COL1A1: variants seen among roughly 807,000 people sequenced by gnomAD.
COL1A1 encodes the protein collagen type I alpha 1 chain, also known as collagen alpha-1(I) chain.
Under a neutral mutation model 195.7 loss-of-function variants are expected in COL1A1, and 21 were observed. The ratio of observed to expected loss-of-function variants is 0.11; its 90% CI spans 0.08 to 0.15. The LOEUF is 0.15. COL1A1 is among the 10% of genes least tolerant of loss of function. The pLI is 1.00. For missense variants in COL1A1, 1,365 were observed against 2,051.0 expected, an observed-to-expected ratio of 0.67 and a Z score of 6.46; for synonymous variants, 749 against 747.3, an observed-to-expected ratio of 1.00 and a Z score of -0.04.
At position 50,195,847 on chromosome 17, in the gene COL1A1, T is replaced by C; in HGVS notation, c.1056+76A>G. 1 of 1,527,916 alleles carries C rather than the reference T, an allele frequency of 6.5e-7. No individual in the cohort carries two copies. Among genetic ancestry groups the C allele is most frequent in the Non-Finnish European group, 8.9e-7 (1 of 1,125,024 alleles). The allele number at this position is 1,527,916 out of a possible 1,614,324, so 94.6% of individuals were successfully genotyped here. A position where few individuals can be genotyped will look rare whatever the true frequency, so the allele number is the denominator to read the frequency against. On this transcript the variant is annotated intron_variant, in intron 16 of 50. Coordinates refer to ENST00000225964, the MANE Select transcript of COL1A1 (RefSeq NM_000088.4). The surrounding 1 kb of genome is among the most constrained non-coding windows in gnomAD (Gnocchi z 4.3). Reference sequence around the variant, plus strand: ...CTGCTCTCTTGCCACTCTGGGTCCCTTTGGTTTGGGGAACAGGGAGACATG... The same window carrying C: ...CTGCTCTCTTGCCACTCTGGGTCCCCTTGGTTTGGGGAACAGGGAGACATG...
Position 50,185,823 on chromosome 17 carries a change from C to T in COL1A1, c.4203G>A (p.Glu1401=), listed in dbSNP as rs1598284051. ...QGSNEIEIRA[E]GNSRFTYSVT... is the part of the protein sequence containing the mutation. ...CGCTGTAGGTGAAGCGGCTGTTGCCCTCGGCGCGGATCTCGATCTCGTTGG... is the reference window on the plus strand; with the variant it reads ...CGCTGTAGGTGAAGCGGCTGTTGCCTTCGGCGCGGATCTCGATCTCGTTGG... Residue 1401 remains glutamate, a synonymous_variant, in exon 50 of 51, where the codon GAG becomes GAA. Coordinates refer to ENST00000225964, the MANE Select transcript of COL1A1 (RefSeq NM_000088.4). 1 of 1,614,084 alleles carries T rather than the reference C, an allele frequency of 6.2e-7. No individual in the cohort carries two copies. Among genetic ancestry groups the T allele is most frequent in the Non-Finnish European group, 8.5e-7 (1 of 1,180,036 alleles).
rs1262974236 is a variant in COL1A1, at chr17:50,189,548, G to T, written c.2668-10C>A. 6.2e-7 allele frequency: 1 copy of T among 1,612,580 alleles called. No individual in the cohort carries two copies. The highest frequency in any genetic ancestry group is 8.5e-7 in the Non-Finnish European group (1 of 1,179,608). ...GGGGTCCAGCATTTCCCTGGATGAG[G>T]ATAGGAGGGGCTGTCAGACTCCAGG... On this transcript the variant is annotated splice_polypyrimidine_tract_variant and intron_variant, in intron 38 of 50. Coordinates refer to ENST00000225964, the MANE Select transcript of COL1A1 (RefSeq NM_000088.4). The surrounding 1 kb of genome is among the most constrained non-coding windows in gnomAD (Gnocchi z 5.5).
Position 50,189,920 on chromosome 17 carries a change from A to G in COL1A1, c.2560-8T>C. 1 of 1,611,844 alleles carries G rather than the reference A, an allele frequency of 6.2e-7. No homozygotes were observed. The highest frequency in any genetic ancestry group is 1.1e-5 in the South Asian group (1 of 90,990). Reference sequence around the variant, plus strand: ...AGGAGCACCAACATTACCCTGTAGGAGAGCACAGAGGCATCAAGCCTGGAC... The same window carrying G: ...AGGAGCACCAACATTACCCTGTAGGGGAGCACAGAGGCATCAAGCCTGGAC... On this transcript the variant is annotated splice_polypyrimidine_tract_variant and splice_region_variant and intron_variant, in intron 36 of 50. Coordinates refer to ENST00000225964, the MANE Select transcript of COL1A1 (RefSeq NM_000088.4). The surrounding 1 kb of genome is among the most constrained non-coding windows in gnomAD (Gnocchi z 5.5).
rs1465304328 is a variant in COL1A1, at chr17:50,195,727, A to G, written c.1057-62T>C. The G allele has an allele frequency of 3.4e-5, 52 of 1,529,198 alleles. No individual in the cohort carries two copies. The highest frequency in any genetic ancestry group is 1.1e-4 in the South Asian group (10 of 87,812). The allele number at this position is 1,529,198 out of a possible 1,614,324, so 94.7% of individuals were successfully genotyped here. On this transcript the variant is annotated intron_variant, in intron 16 of 50. Transcript: ENST00000225964. The surrounding 1 kb of genome is among the most constrained non-coding windows in gnomAD (Gnocchi z 4.3). ...GGGAAACCCAACCTTGCCTCTCGGG[A>G]TGGCAGGAGGAAGGGGAGACAGGGA...
In COL1A1 at chr17:50,201,478, G is replaced by A. The variant is rs748155900; in HGVS notation, c.36C>T (p.Leu12=). 74 of 1,612,708 alleles carry A rather than the reference G, an allele frequency of 4.6e-5. No individual in the cohort carries two copies. Among genetic ancestry groups the A allele is most frequent in the South Asian group, 2.3e-4 (21 of 91,014 alleles). ...GCGTCAGGAGGGCGGTGGCCGCTAA[G>A]AGGAGCAGGAGCCGGAGGTCCACAA... ...FSFVDLRLLL[L]LAATALLTHG... The change falls in exon 1 of 51, where the codon CTC becomes CTT. Residue 12 remains leucine (L), a synonymous_variant. Transcript: ENST00000225964.
At position 50,186,840 on chromosome 17, in the gene COL1A1, G is replaced by A. The variant is rs1423644756; in HGVS notation, c.3614C>T (p.Pro1205Leu). Residue 1205 changes from proline (P) to leucine (L), a missense_variant, in exon 48 of 51, where the codon CCT (proline) becomes CTT (leucine). Physicochemically the swap from Pro to Leu is moderately conservative, Grantham distance 98. Around this residue, in one of 5 missense-constraint regions of COL1A1, gnomAD observed 671 missense variants for 1,099.9 expected, o/e 0.61. Coordinates refer to ENST00000225964, the MANE Select transcript of COL1A1 (RefSeq NM_000088.4). This position sits in a 1 kb window ranked among gnomAD's most constrained non-coding sequence, Gnocchi z 5.3. ...GFDFSFLPQP[P>L]QEKAHDGGRY... Reference sequence around the variant, plus strand: ...GCCACCATCGTGAGCCTTCTCTTGAGGTGGCTGGGGCAGGAAGCTGAAGTC... The same window carrying A: ...GCCACCATCGTGAGCCTTCTCTTGAAGTGGCTGGGGCAGGAAGCTGAAGTC... 3 of 1,614,054 alleles carry A rather than the reference G, an allele frequency of 1.9e-6. No individual in the cohort carries two copies. The highest frequency in any genetic ancestry group is 2.5e-6 in the Non-Finnish European group (3 of 1,180,058).
intron 2 of COL1A1, 72 bp from the exon 3 acceptor site, chr17:50,199,662 A>G (rs1907899590): frequency 6.8e-6 from 11 of 1,611,308 alleles, no homozygotes; most frequent in Non-Finnish European, 7.6e-6. Context: ...GGCCTCCAGC[A>G]CGGAGGGCCA....
intron 31 of COL1A1, 118 bp downstream of exon 31, chr17:50,191,669 TC>T (rs1907088106): frequency 4.0e-6 from 5 of 1,251,778 alleles, no homozygotes; most frequent in Non-Finnish European, 5.7e-6. Context: ...CCTGGTCTTT[TC>T]CCCCCACCCC....
Position 50,191,388 on chromosome 17 carries a change from C to A in COL1A1, c.2230G>T (p.Asp744Tyr). The A allele has an allele frequency of 2.5e-6, 4 of 1,614,004 alleles. No homozygotes were observed. Among genetic ancestry groups the A allele is most frequent in the South Asian group, 1.1e-5 (1 of 91,080 alleles). Residue 744 changes from aspartate (D) to tyrosine (Y), a missense_variant, in exon 32 of 51, where the codon GAC (aspartate) becomes TAC (tyrosine). This residue lies in a region of COL1A1 where 671 missense variants were observed against 1,099.9 expected (regional missense o/e 0.61). Coordinates refer to ENST00000225964, the MANE Select transcript of COL1A1 (RefSeq NM_000088.4). ...GAAGLPGPKG[D>Y]RGDAGPKGAD... ...AGGGGGAAGGTTGAACTTACTCTGT[C>A]ACCCTTAGGCCCTGGAAGACCAGCT...
In COL1A1 at chr17:50,192,396, T is replaced by C. The variant is rs1231650630; in HGVS notation, c.1983+79A>G. 5 of 1,471,062 alleles carry C rather than the reference T, an allele frequency of 3.4e-6. No homozygotes were observed. In the East Asian group the frequency reaches 1.2e-4, roughly 36 times the overall value. The allele number at this position is 1,471,062 out of a possible 1,614,324, so 91.1% of individuals were successfully genotyped here. A position where few individuals can be genotyped will look rare whatever the true frequency, so the allele number is the denominator to read the frequency against. Reference sequence around the variant, plus strand: ...CCTCAATCCCTCTAGTTGATGGCTGTCTGATTAGCTAGGAGCGGGGGCCTG... The same window carrying C: ...CCTCAATCCCTCTAGTTGATGGCTGCCTGATTAGCTAGGAGCGGGGGCCTG... On this transcript the variant is annotated intron_variant, in intron 29 of 50. Coordinates refer to ENST00000225964, the MANE Select transcript of COL1A1 (RefSeq NM_000088.4).
intron 5 of COL1A1, 29 bp downstream of exon 5, chr17:50,199,197 G>A (rs2144590716): frequency 1.4e-6 from 2 of 1,439,214 alleles, no homozygotes; most frequent in African/African-American, 2.9e-5. Context: ...AAACAGGGGA[G>A]AGTGGACACA....
rs943840263 is a variant in COL1A1 at position 50,186,242 on chromosome 17, C to G, written c.4005+75G>C. 1.3e-6 allele frequency: 2 copies of G among 1,593,294 alleles called. No individual in the cohort carries two copies. The highest frequency in any genetic ancestry group is 1.7e-6 in the Non-Finnish European group (2 of 1,166,692). ...CCATCACCCTTAGCAGAGACCTACTCCAGGACTTCATGTCCCTTCTGAGCA... is the reference window on the plus strand; with the variant it reads ...CCATCACCCTTAGCAGAGACCTACTGCAGGACTTCATGTCCCTTCTGAGCA... On this transcript the variant is annotated intron_variant, in intron 49 of 50. Coordinates refer to ENST00000225964, the MANE Select transcript of COL1A1 (RefSeq NM_000088.4). The surrounding 1 kb of genome is among the most constrained non-coding windows in gnomAD (Gnocchi z 5.3).
rs775140599 is a variant in COL1A1 at position 50,185,588 on chromosome 17, G to T, written c.4309C>A (p.Leu1437Met). The change falls in exon 51 of 51, where the codon CTG becomes ATG. Residue 1437 changes from leucine (L) to methionine (M), a missense_variant. This residue lies in a region of COL1A1 where 273 missense variants were observed against 338.6 expected (regional missense o/e 0.81). Transcript: ENST00000225964. ...AAGGGGGCCACATCGATGATGGGCA[G>T]GCGGGAGGTCTTGGTGGTTTTGTAT... ...IEYKTTKTSR[L>M]PIIDVAPLDV... is the part of the protein sequence containing the mutation. 6.2e-7 allele frequency: 1 copy of T among 1,614,048 alleles called. No homozygotes were observed. Among genetic ancestry groups the T allele is most frequent in the South Asian group, 1.1e-5 (1 of 91,060 alleles).
chr17:50,198,932 G>A (rs1907825781), intron 5 of COL1A1, among the ~76,000 whole-genome samples: 1 of 152,126 alleles, frequency 6.6e-6, no homozygotes, highest in South Asian at 2.1e-4. Context: ...TCATTGTGTA[G>A]GTCAGTTAAG....
rs1313847382 is a variant in COL1A1, at chr17:50,191,420, C to T, written c.2198G>A (p.Arg733His). 7 of 1,613,930 alleles carry T rather than the reference C, an allele frequency of 4.3e-6. No homozygotes were observed. Among genetic ancestry groups the T allele is most frequent in the East Asian group, 2.2e-5 (1 of 44,868 alleles). ...APGLQGMPGERGAAGLPGPKG... is the reference protein window; with the variant it reads ...APGLQGMPGEHGAAGLPGPKG... ...AGGCCCTGGAAGACCAGCTGCACCA[C>T]GTTCACCAGGCATTCCCTGAAGGCC... Residue 733 changes from arginine to histidine, a missense_variant, in exon 32 of 51, where the codon CGT becomes CAT. Transcript: ENST00000225964.
intron 50 of COL1A1, 52 bp downstream of exon 50, chr17:50,185,726 A>G: frequency 6.2e-7 from 1 of 1,611,850 alleles, no homozygotes; most frequent in Admixed American, 1.7e-5. Context: ...GCCTGGCCAA[A>G]AAGCCCAAGG....
Position 50,199,249 on chromosome 17 carries a change from G to C in COL1A1, c.448C>G (p.Pro150Ala). 1.4e-6 allele frequency: 2 copies of C among 1,476,940 alleles called. No homozygotes were observed. Among genetic ancestry groups the C allele is most frequent in the Non-Finnish European group, 1.8e-6 (2 of 1,109,354 alleles). 91.5% of individuals were successfully genotyped at this position (1,476,940 alleles called of 1,614,324 possible). The change falls in exon 5 of 51, where the codon CCC becomes GCC. Residue 150 changes from proline (P) to alanine (A), a missense_variant. Pro to Ala is a conservative substitution (Grantham distance 27, BLOSUM62 -1). This residue lies in a region of COL1A1 where 194 missense variants were observed against 221.7 expected (regional missense o/e 0.88). Coordinates refer to ENST00000225964, the MANE Select transcript of COL1A1 (RefSeq NM_000088.4). ...ACTCCTCCGAGGCCAGGGGGTCCGG[G>C]AGGTCCGGGGGGTCCGGGGGGTCCG... Reference protein sequence around the residue: ...LPGPPGPPGPPGPPGLGGNFA... With the variant: ...LPGPPGPPGPAGPPGLGGNFA...
rs1567755411 is a variant in COL1A1 at position 50,189,435 on chromosome 17, G to A, written c.2771C>T (p.Pro924Leu). Residue 924 changes from proline (P) to leucine (L), a missense_variant, in exon 39 of 51, where the codon CCC becomes CTC. This residue lies in a region of COL1A1 where 671 missense variants were observed against 1,099.9 expected (regional missense o/e 0.61). Transcript: ENST00000225964. The surrounding 1 kb of genome is among the most constrained non-coding windows in gnomAD (Gnocchi z 5.5). ...GCCAGCAGGGCCAGGGGGACCAGGG[G>A]GACCAACTTCACCAGGACGTCCAGC... ...GPAGRPGEVGPPGPPGPAGEK... is the reference protein window; with the variant it reads ...GPAGRPGEVGLPGPPGPAGEK... The A allele has an allele frequency of 5.6e-6, 9 of 1,612,970 alleles. No individual in the cohort carries two copies. The highest frequency in any genetic ancestry group is 7.6e-6 in the Non-Finnish European group (9 of 1,179,652).
intron 13 of COL1A1, 23 bp from the exon 14 acceptor site, chr17:50,196,390 T>C: frequency 6.2e-7 from 1 of 1,613,886 alleles, no homozygotes. Flanking sequence ...CCAAGAGAAG[T>C]CAGATGAGAT....
Sources: gnomAD v4.1 joint callset for allele counts (sites outside exome capture counted in the v4.1 genomes callset) on GRCh38, gnomAD v4.1.1 for gene constraint, gnomAD v4.1.1 regional missense constraint, Gnocchi (gnomAD v3.1) non-coding constraint, MANE v1.5 for transcripts, NCBI Gene and HGNC (gene_info 2026-07-23, HGNC 2026-07-21) for gene names.